RAB21: variants seen among roughly 807,000 people sequenced by gnomAD.
RAB21 encodes RAB21, member RAS oncogene family.
A neutral mutation model predicts 33.1 loss-of-function variants in RAB21; 13 were observed. The ratio of observed to expected loss-of-function variants is 0.39; its 90% confidence interval spans 0.26 to 0.62. The LOEUF (loss-of-function observed/expected upper bound fraction) is 0.62. Among genes scored for constraint, RAB21 ranks in the 20% least tolerant of loss-of-function variants. The pLI is 0.48. For synonymous variants in RAB21, 91 were observed against 103.7 expected (o/e 0.88, Z 0.74); for missense variants, 234 against 279.1 (o/e 0.84, Z 1.15).
chr12:71,793,698 T>C lies in RAB21; in HGVS notation c.*8025T>C, dbSNP rs576199656. On this transcript the variant is annotated 3_prime_UTR_variant, in exon 7 of 7. Transcript: ENST00000261263. ...GAGTAATTCATCCCCATCAAAAGATTTTAGCCAAAAGTAGTGGCATAAGAA... is the reference window on the plus strand; with the variant it reads ...GAGTAATTCATCCCCATCAAAAGATCTTAGCCAAAAGTAGTGGCATAAGAA... The C allele has an allele frequency of 6.6e-6, 1 of 152,304 alleles. No individual in the cohort carries two copies. Among genetic ancestry groups the C allele is most frequent in the African/African-American group, 2.4e-5 (1 of 41,574 alleles). 9.4% of individuals were successfully genotyped at this position (152,304 alleles called of 1,614,324 possible). A position where few individuals can be genotyped will look rare whatever the true frequency, so the allele number is the denominator to read the frequency against.
rs192706414 is a variant in RAB21, at chr12:71,790,528, T to C, written c.*4855T>C. On this transcript the variant is annotated 3_prime_UTR_variant, in exon 7 of 7. Transcript: ENST00000261263. ...TTGTATGTGGTACTTCCTAGAAATA[T>C]GAAAGTTCCTCATTTTGTATTTAAT... 19 of 152,278 alleles carry C rather than the reference T, an allele frequency of 1.2e-4. No homozygotes were observed. Among genetic ancestry groups the C allele is most frequent in the Admixed American group, 4.6e-4 (7 of 15,298 alleles). The allele number at this position is 152,278 out of a possible 1,614,324, so 9.4% of individuals were successfully genotyped here. A position where few individuals can be genotyped will look rare whatever the true frequency, so the allele number is the denominator to read the frequency against.
At chr12:71,761,964 A>T (rs572993688) in intron 1 of RAB21, among the ~76,000 whole-genome samples, 1 of 152,214 alleles carries the variant, frequency 6.6e-6, no homozygotes, top group South Asian at 2.1e-4. Context: ...CTTGAAAACC[A>T]TATTACTGTT....
chr12:71,765,123 T>C (rs1263444596), intron 1 of RAB21, among the ~76,000 whole-genome samples: 1 of 152,192 alleles, frequency 6.6e-6, no homozygotes, highest in Non-Finnish European at 1.5e-5. Flanking sequence ...CCAACATCTA[T>C]TGTTATTTTG....
chr12:71,797,958 C>T lies in RAB21; in HGVS notation c.*12285C>T, dbSNP rs186137652. The T allele has an allele frequency of 6.6e-6, 1 of 151,926 alleles. No homozygotes were observed. Among genetic ancestry groups the T allele is most frequent in the African/African-American group, 2.4e-5 (1 of 41,406 alleles). The allele number at this position is 151,926 out of a possible 1,614,324, so 9.4% of individuals were successfully genotyped here. On this transcript the variant is annotated 3_prime_UTR_variant, in exon 7 of 7. Coordinates refer to ENST00000261263, the MANE Select transcript of RAB21 (RefSeq NM_014999.4). The stretch of plus-strand genomic sequence containing the variant: ...ATGAAAACTGAAATGTTTAAAGTAC[C>T]CAAAGAGGTTGTCAGAGAATTTTTA...
In RAB21 at chr12:71,798,520, A is replaced by G. The variant is rs1883495028; in HGVS notation, c.*12847A>G. 6.6e-6 allele frequency: 1 copy of G among 152,234 alleles called. No individual in the cohort carries two copies. The highest frequency in any genetic ancestry group is 2.1e-4 in the South Asian group (1 of 4,834). The allele number at this position is 152,234 out of a possible 1,614,324, so 9.4% of individuals were successfully genotyped here. A position where few individuals can be genotyped will look rare whatever the true frequency, so the allele number is the denominator to read the frequency against. ...ATCATGCATTGCTTAATTTATAAAG[A>G]ACACCTAGAAATGAAAAAGTCCAAT... On this transcript the variant is annotated 3_prime_UTR_variant, in exon 7 of 7. Coordinates refer to ENST00000261263, the MANE Select transcript of RAB21 (RefSeq NM_014999.4).
Position 71,790,028 on chromosome 12 carries a change from A to G in RAB21, c.*4355A>G, listed in dbSNP as rs1023294564. Reference sequence around the variant, plus strand: ...ATAGACCTTTAGCAGTTCTTGTGCTATCTAGGATTTATACATTTTTGCTTT... The same window carrying G: ...ATAGACCTTTAGCAGTTCTTGTGCTGTCTAGGATTTATACATTTTTGCTTT... On this transcript the variant is annotated 3_prime_UTR_variant, in exon 7 of 7. Transcript: ENST00000261263. The G allele has an allele frequency of 8.5e-5, 13 of 152,172 alleles. No individual in the cohort carries two copies. Among genetic ancestry groups the G allele is most frequent in the African/African-American group, 2.7e-4 (11 of 41,450 alleles). 9.4% of individuals were successfully genotyped at this position (152,172 alleles called of 1,614,324 possible).
chr12:71,782,039 A>G lies in RAB21; in HGVS notation c.400A>G (p.Ile134Val). The stretch of plus-strand genomic sequence containing the variant: ...TACTTTTTTCAAAATAGGTAATAAA[A>G]TAGACTTGGAAAAGGAGAGACATGT... ...EICLCIVGNK[I>V]DLEKERHVSI... The change falls in exon 5 of 7, where the codon ATA becomes GTA. Residue 134 changes from isoleucine to valine, a missense_variant. Ile to Val is a conservative substitution (Grantham distance 29). Transcript: ENST00000261263. The G allele has an allele frequency of 1.2e-6, 2 of 1,602,932 alleles. No individual in the cohort carries two copies. The highest frequency in any genetic ancestry group is 1.7e-6 in the Non-Finnish European group (2 of 1,170,428).
rs1420802230 is a variant in RAB21, at chr12:71,794,423, ATATATTTTTTTTTTTTTTT to A, written c.*8752_*8770del. 1.8e-5 allele frequency: 1 copy of A among 56,590 alleles called. No individual in the cohort carries two copies. The highest frequency in any genetic ancestry group is 9.4e-5 in the African/African-American group (1 of 10,682). 3.5% of individuals were successfully genotyped at this position (56,590 alleles called of 1,614,324 possible). ...ATATATATTATATATATATATATAT[ATATATTTTTTTTTTTTTTT>A]TTTTTTTTTTTTTTGAGACGGAGTC... On this transcript the variant is annotated 3_prime_UTR_variant, in exon 7 of 7. Coordinates refer to ENST00000261263, the MANE Select transcript of RAB21 (RefSeq NM_014999.4).
chr12:71,773,654 T>A (rs559598512), intron 3 of RAB21, among the ~76,000 whole-genome samples: 3 of 152,340 alleles, frequency 2.0e-5, no homozygotes, highest in Non-Finnish European at 4.4e-5. Flanking sequence ...AAAGCATCTG[T>A]TATCAGAAGC....
In RAB21 at chr12:71,794,731, C is replaced by T. The variant is rs1043149843; in HGVS notation, c.*9058C>T. 9.6e-5 allele frequency: 14 copies of T among 145,640 alleles called. No individual in the cohort carries two copies. Among genetic ancestry groups the T allele is most frequent in the African/African-American group, 3.5e-4 (14 of 40,112 alleles). The allele number at this position is 145,640 out of a possible 1,614,324, so 9.0% of individuals were successfully genotyped here. ...GGGATTACAAGCGTGAGCCACCGAGCCCAGCTATATTTATAAATTTATATA... is the reference window on the plus strand; with the variant it reads ...GGGATTACAAGCGTGAGCCACCGAGTCCAGCTATATTTATAAATTTATATA... On this transcript the variant is annotated 3_prime_UTR_variant, in exon 7 of 7. Coordinates refer to ENST00000261263, the MANE Select transcript of RAB21 (RefSeq NM_014999.4).
intron 3 of RAB21, 76 bp downstream of exon 3, chr12:71,770,775 C>G: frequency 2.2e-6 from 2 of 906,132 alleles, no homozygotes; most frequent in East Asian, 5.4e-5. Context: ...CCTTTATTCA[C>G]TAATGTGATT....
At position 71,771,462 on chromosome 12, in the gene RAB21, T is replaced by C. The variant is rs189877522; in HGVS notation, c.327+763T>C. On this transcript the variant is annotated intron_variant, in intron 3 of 6. Transcript: ENST00000261263. ...ATTACTTACCTTGTTTGTTTTGTTT[T>C]TTCTCTTTATTTTTTTTCCCAGTTA... 4.9e-3 allele frequency among the ~76,000 whole-genome samples: 744 copies of C among 152,350 alleles called. 7 individuals are homozygous for C. Among genetic ancestry groups the C allele is most frequent in the African/African-American group, 0.017 (709 of 41,578 alleles).
intron 1 of RAB21, among the ~76,000 whole-genome samples, chr12:71,764,255 G>T (rs927899206): frequency 6.6e-6 from 1 of 152,060 alleles, no homozygotes; most frequent in Admixed American, 6.6e-5. Flanking sequence ...TAGGTTCATG[G>T]ATTTCTTCAT....
rs1282704517 is a variant in RAB21 at position 71,795,516 on chromosome 12, C to T, written c.*9843C>T. The T allele has an allele frequency of 1.5e-5, 2 of 136,822 alleles. No individual in the cohort carries two copies. The highest frequency in any genetic ancestry group is 3.0e-5 in the African/African-American group (1 of 33,818). The allele number at this position is 136,822 out of a possible 1,614,324, so 8.5% of individuals were successfully genotyped here. A position where few individuals can be genotyped will look rare whatever the true frequency, so the allele number is the denominator to read the frequency against. ...TAACTAATTTAAGGTTAACTAATAC[C>T]TCTTTCAGAGTTGGGCAAAAGAAGA... On this transcript the variant is annotated 3_prime_UTR_variant, in exon 7 of 7. Coordinates refer to ENST00000261263, the MANE Select transcript of RAB21 (RefSeq NM_014999.4).
At position 71,785,591 on chromosome 12, in the gene RAB21, G is replaced by T; in HGVS notation, c.596G>T (p.Gly199Val). The change falls in exon 7 of 7, where the codon GGA becomes GTA. Residue 199 changes from glycine to valine, a missense_variant. Gly to Val is a moderately radical substitution (Grantham distance 109). Coordinates refer to ENST00000261263, the MANE Select transcript of RAB21 (RefSeq NM_014999.4). ...RAKGNGSSQP[G>V]TARRGVQIID... ...AAAGGCAATGGCTCTAGTCAGCCGG[G>T]AACTGCAAGGCGAGGTGTACAGATT... 6 of 1,614,194 alleles carry T rather than the reference G, an allele frequency of 3.7e-6. No individual in the cohort carries two copies. Among genetic ancestry groups the T allele is most frequent in the Non-Finnish European group, 5.1e-6 (6 of 1,180,028 alleles).
Position 71,755,033 on chromosome 12 carries a change from G to T in RAB21, c.-97G>T. On this transcript the variant is annotated 5_prime_UTR_variant, in exon 1 of 7. Transcript: ENST00000261263. ...CAGCGCCCGGGTCGGCGGGGCCGGGGCGGTGGGGGCTGAGCCGGCCGTGGC... is the reference window on the plus strand; with the variant it reads ...CAGCGCCCGGGTCGGCGGGGCCGGGTCGGTGGGGGCTGAGCCGGCCGTGGC... The T allele has an allele frequency of 1.0e-6, 1 of 992,748 alleles. No individual in the cohort carries two copies. The highest frequency in any genetic ancestry group is 1.2e-6 in the Non-Finnish European group (1 of 831,490). The allele number at this position is 992,748 out of a possible 1,614,324, so 61.5% of individuals were successfully genotyped here. A position where few individuals can be genotyped will look rare whatever the true frequency, so the allele number is the denominator to read the frequency against.
intron 4 of RAB21, chr12:71,774,349 C>G (rs376423994): frequency 6.3e-6 from 1 of 159,532 alleles, no homozygotes; most frequent in Non-Finnish European, 1.3e-5. Context: ...GCCTATAGTC[C>G]CAGCTACTTG....
Position 71,796,640 on chromosome 12 carries a change from ATTTTAAGC to A in RAB21, c.*10971_*10978del, listed in dbSNP as rs1314617617. ...TCAGTGATTGGTTTGGATCTACTTA[ATTTTAAGC>A]TTTACTGGTCATTTGTCCCCCTCAT... On this transcript the variant is annotated 3_prime_UTR_variant, in exon 7 of 7. Transcript: ENST00000261263. 7.3e-6 allele frequency: 1 copy of A among 136,830 alleles called. No individual in the cohort carries two copies. The highest frequency in any genetic ancestry group is 7.5e-5 in the Admixed American group (1 of 13,268). 8.5% of individuals were successfully genotyped at this position (136,830 alleles called of 1,614,324 possible).
At chr12:71,779,857 A>G (rs1339917985) in intron 4 of RAB21, among the ~76,000 whole-genome samples, 1 of 152,154 alleles carries the variant, frequency 6.6e-6, no homozygotes, top group African/African-American at 2.4e-5. Context: ...GCACAGTAGT[A>G]TTGAAGCAGA....
Sources: allele counts gnomAD v4.1 joint callset (sites outside exome capture counted in the v4.1 genomes callset), GRCh38; gene constraint gnomAD v4.1.1; transcripts MANE v1.5; gene names NCBI Gene and HGNC (gene_info 2026-07-23, HGNC 2026-07-21).